The following TRAPPC11 variants were observed in gnomAD, a reference collection of about 807,000 sequenced individuals.
The protein encoded by TRAPPC11 is trafficking protein particle complex subunit 11.
Under a neutral mutation model 151.2 loss-of-function variants are expected in TRAPPC11, and 104 were observed. That is an observed-to-expected ratio of 0.69 (90% CI 0.59 to 0.81). The LOEUF is 0.81. Ranked by LOEUF, TRAPPC11 falls within the 30% of genes least tolerant of loss-of-function variation. The probability of loss-of-function intolerance (pLI) is 0.00; values close to 1 mark genes in which losing one functional copy is unlikely to be tolerated. For missense variants in TRAPPC11, 1,230 were observed against 1,349.6 expected, an observed-to-expected ratio of 0.91 and a Z score of 1.39; for synonymous variants, 456 against 472.3, an observed-to-expected ratio of 0.97 and a Z score of 0.45.
intron 1 of TRAPPC11, among the ~76,000 whole-genome samples, chr4:183,663,041 T>G (rs1734638373): frequency 2.6e-5 from 4 of 152,246 alleles, no homozygotes; most frequent in Admixed American, 2.6e-4. Context: ...ACTCAAAGCC[T>G]TTTGCCTTTT....
chr4:183,686,250 C>T (rs1246249044), intron 17 of TRAPPC11, among the ~76,000 whole-genome samples: 2 of 152,110 alleles, frequency 1.3e-5, no homozygotes, highest in Non-Finnish European at 2.9e-5. Flanking sequence ...GATTCTTGTG[C>T]CTCAGCCTCC....
intron 4 of TRAPPC11, among the ~76,000 whole-genome samples, chr4:183,667,486 G>A (rs898739242): frequency 6.6e-6 from 1 of 151,988 alleles, no homozygotes; most frequent in Admixed American, 6.6e-5. Context: ...ACTTATCTAA[G>A]ATCTATTTGA....
intron 28 of TRAPPC11, among the ~76,000 whole-genome samples, chr4:183,707,651 A>C (rs1370199909): frequency 6.6e-6 from 1 of 152,180 alleles, no homozygotes; most frequent in African/African-American, 2.4e-5. Flanking sequence ...CTGACTAATT[A>C]ACTGCTCTGC....
In TRAPPC11 at chr4:183,693,989, C is replaced by G; in HGVS notation, c.2459C>G (p.Pro820Arg). 1 of 1,614,016 alleles carries G rather than the reference C, an allele frequency of 6.2e-7. No individual in the cohort carries two copies. Residue 820 changes from proline (P) to arginine (R), a missense_variant, in exon 22 of 30, where the codon CCG (proline) becomes CGG (arginine). Pro to Arg is a moderately radical substitution (Grantham distance 103). Transcript: ENST00000334690. ...HGTELCDESY[P>R]ALLTDIPVGD... ...ACAGAACTGTGTGATGAATCCTACCCGGCTTTACTCACTGACATTCCTGTT... is the reference window on the plus strand; with the variant it reads ...ACAGAACTGTGTGATGAATCCTACCGGGCTTTACTCACTGACATTCCTGTT...
Position 183,708,402 on chromosome 4 carries a change from T to A in TRAPPC11, c.3190-5T>A. The A allele has an allele frequency of 1.2e-6, 2 of 1,611,174 alleles. No homozygotes were observed. Among genetic ancestry groups the A allele is most frequent in the South Asian group, 1.1e-5 (1 of 90,816 alleles). On this transcript the variant is annotated splice_polypyrimidine_tract_variant and splice_region_variant and intron_variant, in intron 28 of 29. Coordinates refer to ENST00000334690, the MANE Select transcript of TRAPPC11 (RefSeq NM_021942.6). ...TATCTTTCTCTGTGACTTTTTATGA[T>A]GCAGATTCGATTACGTATCCTCCCT...
rs768199361 is a variant in TRAPPC11 at position 183,684,679 on chromosome 4, AT to A, written c.1422-13del. On this transcript the variant is annotated splice_polypyrimidine_tract_variant and intron_variant, in intron 14 of 29. Transcript: ENST00000334690. The stretch of plus-strand genomic sequence containing the variant: ...TCTTGTGAAGCCGGTTCAGTATTAC[AT>A]TTTGTCTTCTTTGAGGTTGCTGGAT... 1.9e-6 allele frequency: 3 copies of A among 1,613,024 alleles called. No homozygotes were observed. Among genetic ancestry groups the A allele is most frequent in the Non-Finnish European group, 2.5e-6 (3 of 1,179,528 alleles).
At chr4:183,677,836 G>A (rs1176803476) in intron 8 of TRAPPC11, among the ~76,000 whole-genome samples, 1 of 152,030 alleles carries the variant, frequency 6.6e-6, no homozygotes, top group Admixed American at 6.6e-5. Flanking sequence ...TGAGAAGAAA[G>A]CTGCCTGTAT....
At chr4:183,686,563 T>C in intron 17 of TRAPPC11, 55 bp from the exon 18 acceptor site, 1 of 1,592,962 alleles carries the variant, frequency 6.3e-7, no homozygotes, top group Non-Finnish European at 8.6e-7. Context: ...ACAGGATGTG[T>C]GTGGGTCGTG....
intron 15 of TRAPPC11, 49 bp downstream of exon 15, chr4:183,684,890 G>A (rs2111365967): frequency 6.5e-7 from 1 of 1,534,350 alleles, no homozygotes; most frequent in East Asian, 2.3e-5. Flanking sequence ...AAATTATTTA[G>A]CATCTTTAAG....
rs1285358124 is a variant in TRAPPC11, at chr4:183,697,522, A to C, written c.2648A>C (p.Glu883Ala). Residue 883 changes from glutamate to alanine, a missense_variant, in exon 24 of 30, where the codon GAA becomes GCA. Coordinates refer to ENST00000334690, the MANE Select transcript of TRAPPC11 (RefSeq NM_021942.6). Reference protein sequence around the residue: ...KCHKDETVTIETVFPFDVAVK... With the variant: ...KCHKDETVTIATVFPFDVAVK... ...TTGCAGGATGAAACTGTAACAATTG[A>C]AACAGTCTTTCCATTTGATGTTGCG... 1.9e-6 allele frequency: 3 copies of C among 1,602,280 alleles called. No homozygotes were observed. The highest frequency in any genetic ancestry group is 1.4e-5 in the African/African-American group (1 of 73,954).
At chr4:183,666,935 C>G in intron 3 of TRAPPC11, 125 bp from the exon 4 acceptor site, 1 of 667,956 alleles carries the variant, frequency 1.5e-6, no homozygotes, top group South Asian at 2.7e-5. Flanking sequence ...AAGATTTCTT[C>G]TGATCTTGGT....
In TRAPPC11 at chr4:183,712,621, G is replaced by GT; in HGVS notation, c.3379_3380insT (p.Asp1127ValfsTer47). ...AAAGCCACAGGGTCGACTCATGGAT[G>GT]ATACCTCTATTGCTGCTGCATGATG... On this transcript the variant is annotated frameshift_variant, in exon 30 of 30. Transcript: ENST00000334690. LOFTEE classifies it high-confidence loss of function. 6.2e-7 allele frequency: 1 copy of GT among 1,614,150 alleles called. No individual in the cohort carries two copies.
chr4:183,685,798 T>C (rs1735934518), intron 17 of TRAPPC11, among the ~76,000 whole-genome samples: 1 of 152,124 alleles, frequency 6.6e-6, no homozygotes, highest in Non-Finnish European at 1.5e-5. Context: ...CTGTAATTTA[T>C]TTAAATTTTA....
At chr4:183,663,756 G>A in intron 1 of TRAPPC11, 91 bp from the exon 2 acceptor site, 4 of 54,980 alleles carry the variant, frequency 7.3e-5, no homozygotes, top group Admixed American at 2.3e-4. Flanking sequence ...TTTTTTTTTT[G>A]AGACAGAGTT....
chr4:183,699,574 C>T (rs1435872670), intron 25 of TRAPPC11, among the ~76,000 whole-genome samples: 1 of 152,178 alleles, frequency 6.6e-6, no homozygotes, highest in Non-Finnish European at 1.5e-5. Flanking sequence ...TTTCTTACTG[C>T]TGCTGTAACA....
Position 183,679,436 on chromosome 4 carries a change from G to C in TRAPPC11, c.915G>C (p.Lys305Asn), listed in dbSNP as rs761587688. The change falls in exon 9 of 30, where the codon AAG becomes AAC. Residue 305 changes from lysine to asparagine, a missense_variant. By Grantham distance (94) the Lys-to-Asn change is moderately conservative (BLOSUM62 0). Coordinates refer to ENST00000334690, the MANE Select transcript of TRAPPC11 (RefSeq NM_021942.6). ...FRKHIDLCKK[K>N]IGSAELSFEH... is the part of the protein sequence containing the mutation. ...AACACATCGACTTGTGTAAGAAAAA[G>C]ATTGGAAGTGCAGAGCTGTCTTTTG... is the stretch of plus-strand genomic sequence containing the variant. 5 of 1,613,072 alleles carry C rather than the reference G, an allele frequency of 3.1e-6. No individual in the cohort carries two copies.
intron 4 of TRAPPC11, 47 bp downstream of exon 4, chr4:183,667,177 C>G (rs958240732): frequency 1.4e-6 from 2 of 1,469,076 alleles, no homozygotes; most frequent in Non-Finnish European, 1.9e-6. Context: ...ACCTCCAATT[C>G]TTATTAAAGG....
chr4:183,691,230 G>A, intron 18 of TRAPPC11, 86 bp from the exon 19 acceptor site: 1 of 1,060,286 alleles, frequency 9.4e-7, no homozygotes, highest in Non-Finnish European at 1.3e-6. Flanking sequence ...AGTGTTTGTG[G>A]AGTTATACTA....
intron 7 of TRAPPC11, 91 bp from the exon 8 acceptor site, chr4:183,677,367 T>A: frequency 2.5e-6 from 2 of 794,034 alleles, no homozygotes; most frequent in South Asian, 1.5e-5. Context: ...ACTAAAATGT[T>A]GAGTAAATAT....
Sources: allele counts gnomAD v4.1 joint callset (sites outside exome capture counted in the v4.1 genomes callset), GRCh38; gene constraint gnomAD v4.1.1; transcripts MANE v1.5; gene names NCBI Gene and HGNC (gene_info 2026-07-23, HGNC 2026-07-21).